The following LPA variants were observed in gnomAD, a reference collection of about 807,000 sequenced individuals.
LPA encodes apolipoprotein(a).
LPA carries 199 observed loss-of-function variants against 197.9 expected under a neutral mutation model. The ratio of observed to expected loss-of-function variants is 1.01; its 90% confidence interval spans 0.90 to 1.13. The LOEUF (loss-of-function observed/expected upper bound fraction) is 1.13. LPA is among the 50% of genes most tolerant of loss of function. LPA has a pLI of 0.00. For missense variants in LPA, 1,853 were observed against 1,785.8 expected (o/e 1.04, Z -0.68); for synonymous variants, 715 against 639.5 (o/e 1.12, Z -1.78).
chr6:160,551,414 G>T (rs1372631109), intron 30 of LPA, among the ~76,000 whole-genome samples: 1 of 152,176 alleles, frequency 6.6e-6, no homozygotes, highest in Admixed American at 6.5e-5. Flanking sequence ...TGGGAGAAAT[G>T]TTCCTATATT....
At chr6:160,585,578 G>C (rs749108561) in intron 25 of LPA, among the ~76,000 whole-genome samples, 10 of 152,090 alleles carry the variant, frequency 6.6e-5, no homozygotes, top group Non-Finnish European at 1.5e-4. Context: ...GCTATAGGTG[G>C]TGATTGGCTG....
chr6:160,552,802 T>A (rs1439382468), intron 30 of LPA, among the ~76,000 whole-genome samples: 2 of 152,226 alleles, frequency 1.3e-5, no homozygotes, highest in African/African-American at 4.8e-5. Context: ...TCTCTGCCTT[T>A]TATTTGTAAT....
intron 20 of LPA, 71 bp downstream of exon 20, chr6:160,599,429 T>C (rs924462208): frequency 2.5e-6 from 4 of 1,598,100 alleles, no homozygotes; most frequent in Non-Finnish European, 3.4e-6. Flanking sequence ...GCAGTCACCT[T>C]GAAGCATGAC....
At chr6:160,651,663 G>A (rs1780007593) in intron 1 of LPA, among the ~76,000 whole-genome samples, 3 of 152,300 alleles carry the variant, frequency 2.0e-5, no homozygotes, top group Admixed American at 1.3e-4. Context: ...GCTGAAGAGG[G>A]AAGATAAGTC....
chr6:160,565,374 T>G (rs1562323591), intron 28 of LPA, among the ~76,000 whole-genome samples: 1 of 152,190 alleles, frequency 6.6e-6, no homozygotes, highest in Non-Finnish European at 1.5e-5. Flanking sequence ...TAATATTTGC[T>G]GTTCTGCAGC....
At position 160,593,843 on chromosome 6, in the gene LPA, C is replaced by T. The variant is rs1583604684; in HGVS notation, c.3629+115G>A. On this transcript the variant is annotated intron_variant, in intron 22 of 38. Transcript: ENST00000316300. ...AAGAAAGAAGCCTGAGACATTCTACCCAACATTCCAGATCTGAGATAAATT... is the reference window on the plus strand; with the variant it reads ...AAGAAAGAAGCCTGAGACATTCTACTCAACATTCCAGATCTGAGATAAATT... The T allele has an allele frequency of 3.5e-5, 46 of 1,317,972 alleles. No individual in the cohort carries two copies. The East Asian group carries it at 1.0e-3, about 29-fold the overall frequency. The allele number at this position is 1,317,972 out of a possible 1,614,324, so 81.6% of individuals were successfully genotyped here.
chr6:160,594,173 A>G, intron 21 of LPA, 56 bp from the exon 22 acceptor site: 1 of 1,602,704 alleles, frequency 6.2e-7, no homozygotes, highest in South Asian at 1.1e-5. Context: ...CAGAAGCATC[A>G]GAAGAAATCT....
intron 28 of LPA, among the ~76,000 whole-genome samples, chr6:160,558,668 G>A (rs951480735): frequency 1.3e-5 from 2 of 152,166 alleles, no homozygotes; most frequent in East Asian, 1.9e-4. Context: ...CATAAAGGGC[G>A]ATGGCTGGGT....
Position 160,577,354 on chromosome 6 carries a change from G to A in LPA, c.4472-59C>T, listed in dbSNP as rs1018174747. The stretch of plus-strand genomic sequence containing the variant: ...ATTGCATGAGCAGAGAAACATGGGA[G>A]ACAATTTATGTCACATACTGGACAG... On this transcript the variant is annotated intron_variant, in intron 27 of 38. Coordinates refer to ENST00000316300, the MANE Select transcript of LPA (RefSeq NM_005577.4). The A allele has an allele frequency of 4.9e-5, 73 of 1,501,196 alleles. 1 individual carries two copies. Among genetic ancestry groups the A allele is most frequent in the Non-Finnish European group, 6.6e-5 (71 of 1,078,140 alleles). The allele number at this position is 1,501,196 out of a possible 1,614,324, so 93.0% of individuals were successfully genotyped here. A position where few individuals can be genotyped will look rare whatever the true frequency, so the allele number is the denominator to read the frequency against.
At chr6:160,576,390 GTATATATATATATATATATA>G (rs140486548) in intron 28 of LPA, among the ~76,000 whole-genome samples, 2 of 46,106 alleles carry the variant, frequency 4.3e-5, no homozygotes, top group Non-Finnish European at 8.2e-5. Context: ...ATATATATAT[GTATATATATATATATATATA>G]TATATGGGTA....
In LPA at chr6:160,605,077, G is replaced by A. The variant is rs765336864; in HGVS notation, c.2914C>T (p.His972Tyr). The A allele has an allele frequency of 2.5e-6, 4 of 1,613,870 alleles. No homozygotes were observed. Among genetic ancestry groups the A allele is most frequent in the Non-Finnish European group, 3.4e-6 (4 of 1,179,790 alleles). The change falls in exon 18 of 39, where the codon CAT becomes TAT. Residue 972 changes from histidine (H) to tyrosine (Y), a missense_variant. By Grantham distance (83) the His-to-Tyr change is moderately conservative. Around this residue, in one of 3 missense-constraint regions of LPA, gnomAD observed 1,737 missense variants for 1,504.4 expected, o/e 1.15. Coordinates refer to ENST00000316300, the MANE Select transcript of LPA (RefSeq NM_005577.4). Reference protein sequence around the residue: ...QAWSSMTPHSHSRTPAYYPNA... With the variant: ...QAWSSMTPHSYSRTPAYYPNA... The stretch of plus-strand genomic sequence containing the variant: ...GGGTAGTATGCTGGGGTCCGACTAT[G>A]CGAGTGTGGTGTCATAGATGACCAA...
chr6:160,545,499 G>A lies in LPA; in HGVS notation c.5339C>T (p.Pro1780Leu), dbSNP rs763981654. The stretch of plus-strand genomic sequence containing the variant: ...TCTTGGATTCATTGTGTAGCACCAG[G>A]GACCATTGATGTCACCATCAGGGTT... ...CRNPDGDING[P>L]WCYTMNPRKL... The change falls in exon 33 of 39, where the codon CCC becomes CTC. Residue 1780 changes from proline to leucine, a missense_variant. Pro to Leu is a moderately conservative substitution (Grantham distance 98). Coordinates refer to ENST00000316300, the MANE Select transcript of LPA (RefSeq NM_005577.4). 1 of 1,613,398 alleles carries A rather than the reference G, an allele frequency of 6.2e-7. No individual in the cohort carries two copies. Among genetic ancestry groups the A allele is most frequent in the Admixed American group, 1.7e-5 (1 of 59,974 alleles).
chr6:160,651,998 C>CA (rs751088451), intron 1 of LPA, among the ~76,000 whole-genome samples: 16 of 106,560 alleles, frequency 1.5e-4, no homozygotes, highest in East Asian at 7.0e-4. Context: ...AACACAGATA[C>CA]AAAAAAAGAG....
chr6:160,589,755 A>G, intron 23 of LPA, 43 bp from the exon 24 acceptor site: 4 of 1,610,760 alleles, frequency 2.5e-6, no homozygotes, highest in Non-Finnish European at 2.5e-6. Flanking sequence ...AATTTCCAGA[A>G]CACAGAAGCA....
chr6:160,550,844 C>T (rs1214055274), intron 30 of LPA, among the ~76,000 whole-genome samples: 3 of 152,154 alleles, frequency 2.0e-5, no homozygotes, highest in Admixed American at 1.3e-4. Context: ...GAGCATCTTC[C>T]ATACTATTTG....
chr6:160,648,582 A>G (rs1396014476), intron 2 of LPA, among the ~76,000 whole-genome samples: 2 of 151,736 alleles, frequency 1.3e-5, no homozygotes, highest in African/African-American at 4.8e-5. Context: ...GTAAGCTTAT[A>G]CATGTTTGAG....
intron 28 of LPA, among the ~76,000 whole-genome samples, chr6:160,574,942 G>A (rs1055335880): frequency 6.6e-6 from 1 of 151,998 alleles, no homozygotes; most frequent in African/African-American, 2.4e-5. Context: ...CACCTCTTGG[G>A]TTTTTCTTCT....
chr6:160,575,239 A>AT lies in LPA; in HGVS notation c.4631+1896dup, dbSNP rs549911360. Among the ~76,000 whole-genome samples, 22 of 152,096 alleles carry AT rather than the reference A, an allele frequency of 1.4e-4. 1 individual carries two copies. The South Asian group carries it at 4.4e-3, about 30-fold the overall frequency. The stretch of plus-strand genomic sequence containing the variant: ...GTTTTCAGCCATCATTGCTTCAGGC[A>AT]TTTTTTCTGTTCAAGTATCTCTTTC... On this transcript the variant is annotated intron_variant, in intron 28 of 38. Transcript: ENST00000316300.
chr6:160,660,429 T>C (rs1780205541), intron 1 of LPA, among the ~76,000 whole-genome samples: 1 of 152,176 alleles, frequency 6.6e-6, no homozygotes, highest in Admixed American at 6.5e-5. Context: ...CCTGCTCATA[T>C]CTAGCTATCT....
Sources: allele counts gnomAD v4.1 joint callset (sites outside exome capture counted in the v4.1 genomes callset), GRCh38; gene constraint gnomAD v4.1.1; regional missense constraint gnomAD v4.1.1; transcripts MANE v1.5; gene names NCBI Gene and HGNC (gene_info 2026-07-23, HGNC 2026-07-21).